Variants in TRPM7 observed in about 807,000 individuals in gnomAD.
TRPM7 encodes the protein transient receptor potential cation channel subfamily M member 7.
Under a neutral mutation model 229.7 loss-of-function variants are expected in TRPM7, and 134 were observed. The ratio of observed to expected loss-of-function variants is 0.58; its 90% CI spans 0.51 to 0.67. The LOEUF is 0.67. Among genes scored for constraint, TRPM7 ranks in the 30% least tolerant of loss-of-function variants. The pLI, the probability that TRPM7 is intolerant of heterozygous loss-of-function variation, is 0.00. For missense variants in TRPM7, 1,901 were observed against 2,210.0 expected, an observed-to-expected ratio of 0.86 and a Z score of 2.80; for synonymous variants, 699 against 715.2, an observed-to-expected ratio of 0.98 and a Z score of 0.36.
intron 8 of TRPM7, 115 bp downstream of exon 8, chr15:50,634,267 G>A: frequency 6.4e-6 from 5 of 782,188 alleles, no homozygotes; most frequent in Non-Finnish European, 9.0e-6. Flanking sequence ...GTTGTAGTAA[G>A]CCAAGATTGC....
chr15:50,660,931 G>C (rs1256751376), intron 2 of TRPM7, among the ~76,000 whole-genome samples: 1 of 150,990 alleles, frequency 6.6e-6, no homozygotes, highest in African/African-American at 2.4e-5. Context: ...AGTAGAACAG[G>C]TATATAAATT....
chr15:50,578,439 T>C (rs2054240844), intron 31 of TRPM7, 200 bp downstream of exon 31: 2 of 401,752 alleles, frequency 5.0e-6, no homozygotes, highest in Admixed American at 8.1e-5. Context: ...ACAGTAAAGA[T>C]ATCATCATTC....
At chr15:50,684,817 G>A (rs1306961110) in intron 1 of TRPM7, among the ~76,000 whole-genome samples, 1 of 152,166 alleles carries the variant, frequency 6.6e-6, no homozygotes, top group Non-Finnish European at 1.5e-5. Context: ...AGGTACTAGA[G>A]ACTGAAAGAG....
intron 16 of TRPM7, among the ~76,000 whole-genome samples, chr15:50,612,071 A>G (rs2060075943): frequency 6.6e-6 from 1 of 152,234 alleles, no homozygotes; most frequent in Non-Finnish European, 1.5e-5. Context: ...TACTATTTGC[A>G]AAAATTAAAA....
chr15:50,588,588 T>C (rs902018166), intron 27 of TRPM7, among the ~76,000 whole-genome samples: 1 of 152,218 alleles, frequency 6.6e-6, no homozygotes, highest in African/African-American at 2.4e-5. Flanking sequence ...TACGTCATTA[T>C]CATTTCCTTG....
Position 50,607,804 on chromosome 15 carries a change from TG to T in TRPM7, c.2581-477del, listed in dbSNP as rs373272003. 5.2e-4 allele frequency among the ~76,000 whole-genome samples: 78 copies of T among 150,632 alleles called. No individual in the cohort carries two copies. The East Asian group carries it at 0.014, about 27-fold the overall frequency. Reference sequence around the variant, plus strand: ...GCTCACGCCTGTAATCCCAGAACTTTGGGAAGCCAATGCAGGCAGATCATCT... The same window carrying T: ...GCTCACGCCTGTAATCCCAGAACTTTGGAAGCCAATGCAGGCAGATCATCT... On this transcript the variant is annotated intron_variant, in intron 19 of 38. Coordinates refer to ENST00000646667, the MANE Select transcript of TRPM7 (RefSeq NM_017672.6).
rs759315558 is a variant in TRPM7 at position 50,569,940 on chromosome 15, T to C, written c.5414A>G (p.Asn1805Ser). ...PANLGEDAIK[N>S]FRAKHHCNSC... ...ATTACAGTGATGTTTTGCTCTGAAG[T>C]TTTTAATTGCATCTTCTCCTAGATT... The change falls in exon 38 of 39, where the codon AAC becomes AGC. Residue 1805 changes from asparagine (N) to serine (S), a missense_variant. Physicochemically the swap from Asn to Ser is conservative, Grantham distance 46. This residue lies in a region of TRPM7 where 257 missense variants were observed against 352.0 expected (regional missense o/e 0.73). Transcript: ENST00000646667. 6.2e-7 allele frequency: 1 copy of C among 1,612,396 alleles called. No individual in the cohort carries two copies. Among genetic ancestry groups the C allele is most frequent in the Non-Finnish European group, 8.5e-7 (1 of 1,179,346 alleles).
chr15:50,585,441 T>TC (rs778543729), intron 28 of TRPM7, among the ~76,000 whole-genome samples: 4 of 152,334 alleles, frequency 2.6e-5, no homozygotes, highest in South Asian at 2.1e-4. Context: ...CTTGTCTTGC[T>TC]CCCCATCTTG....
chr15:50,649,450 AAG>A (rs1270368928), intron 3 of TRPM7, among the ~76,000 whole-genome samples: 1 of 150,908 alleles, frequency 6.6e-6, no homozygotes, highest in Non-Finnish European at 1.5e-5. Flanking sequence ...AAAAAAAAAA[AAG>A]AAAGAAAGAA....
At chr15:50,569,858 T>C in intron 38 of TRPM7, 29 bp downstream of exon 38, 1 of 1,461,320 alleles carries the variant, frequency 6.8e-7, no homozygotes, top group Non-Finnish European at 9.4e-7. Flanking sequence ...TAACAATTTA[T>C]ATACTATACT....
At chr15:50,574,757 T>TA in intron 34 of TRPM7, 38 bp from the exon 35 acceptor site, 1 of 1,589,032 alleles carries the variant, frequency 6.3e-7, no homozygotes, top group Non-Finnish European at 8.6e-7. Flanking sequence ...TTGTTTAATA[T>TA]TTAAACTAAG....
chr15:50,657,924 GTTTAA>G (rs2061619710), intron 2 of TRPM7, 105 bp from the exon 3 acceptor site: 1 of 774,216 alleles, frequency 1.3e-6, no homozygotes, highest in Non-Finnish European at 2.1e-6. Context: ...TATATACCTA[GTTTAA>G]TTTTTCAGTA....
At chr15:50,680,579 AAAAC>A (rs2062219343) in intron 1 of TRPM7, among the ~76,000 whole-genome samples, 1 of 152,010 alleles carries the variant, frequency 6.6e-6, no homozygotes, top group Non-Finnish European at 1.5e-5. Flanking sequence ...CAAAAAAAAA[AAAAC>A]AAAAACCAGA....
intron 1 of TRPM7, among the ~76,000 whole-genome samples, chr15:50,672,148 G>T (rs934619621): frequency 1.3e-5 from 2 of 152,048 alleles, no homozygotes; most frequent in African/African-American, 4.8e-5. Context: ...TCATCTCCCG[G>T]GTTCACGCCA....
chr15:50,580,798 G>A (rs543210113), intron 30 of TRPM7, 76 bp downstream of exon 30: 2 of 1,356,304 alleles, frequency 1.5e-6, no homozygotes, highest in South Asian at 2.8e-5. Flanking sequence ...AAGAGATGAT[G>A]TAAAGAGCAG....
In TRPM7 at chr15:50,626,832, T is replaced by C. The variant is rs185329648; in HGVS notation, c.1305+1317A>G. On this transcript the variant is annotated intron_variant, in intron 11 of 38. Transcript: ENST00000646667. ...AAAAATCAAACACTACAAAATGGTA[T>C]AAAATAAAACTTTCCTTCAGCCCCC... Among the ~76,000 whole-genome samples, 91 of 151,956 alleles carry C rather than the reference T, an allele frequency of 6.0e-4. 1 individual carries two copies. Among genetic ancestry groups the C allele is most frequent in the Non-Finnish European group, 1.5e-5 (1 of 67,918 alleles).
intron 21 of TRPM7, among the ~76,000 whole-genome samples, chr15:50,600,806 A>G (rs1343991679): frequency 1.3e-5 from 2 of 152,242 alleles, no homozygotes; most frequent in Non-Finnish European, 2.9e-5. Context: ...ATGTCAATTC[A>G]AATGAAGAGA....
intron 1 of TRPM7, among the ~76,000 whole-genome samples, chr15:50,671,044 C>G (rs1247252091): frequency 6.6e-6 from 1 of 152,090 alleles, no homozygotes; most frequent in Non-Finnish European, 1.5e-5. Flanking sequence ...TACATTGCCT[C>G]ACATACTATT....
At chr15:50,652,632 T>A (rs1407719417) in intron 3 of TRPM7, among the ~76,000 whole-genome samples, 1 of 134,274 alleles carries the variant, frequency 7.4e-6, no homozygotes, top group Admixed American at 8.4e-5. Flanking sequence ...ATATAAATTC[T>A]ACATACGTTC....
Sources: allele counts gnomAD v4.1 joint callset (sites outside exome capture counted in the v4.1 genomes callset), GRCh38; gene constraint gnomAD v4.1.1; regional missense constraint gnomAD v4.1.1; transcripts MANE v1.5; gene names NCBI Gene and HGNC (gene_info 2026-07-23, HGNC 2026-07-21).